Variants in UBXN8 observed in about 807,000 individuals in gnomAD.
UBXN8 encodes UBX domain protein 8.
UBXN8 carries 27 observed loss-of-function variants against 32.1 expected under a neutral mutation model. That is an observed-to-expected ratio of 0.84 (90% CI 0.62 to 1.16). The LOEUF (loss-of-function observed/expected upper bound fraction) is 1.16. Ranked by LOEUF, UBXN8 falls within the 50% of genes most tolerant of loss-of-function variation. The pLI is 0.00. For synonymous variants in UBXN8, 109 were observed against 111.8 expected, an observed-to-expected ratio of 0.98 and a Z score of 0.16; for missense variants, 306 against 311.4, an observed-to-expected ratio of 0.98 and a Z score of 0.13.
At chr8:30,760,794 G>A in intron 5 of UBXN8, 94 bp from the exon 6 acceptor site, 1 of 726,354 alleles carries the variant, frequency 1.4e-6, no homozygotes, top group East Asian at 2.9e-5. Flanking sequence ...AAGCTTAGAT[G>A]TGTGTCTAAA....
At chr8:30,751,894 C>CT (rs1335998614) in intron 2 of UBXN8, among the ~76,000 whole-genome samples, 6,571 of 137,240 alleles carry the variant, frequency 0.048, 234 homozygotes, top group African/African-American at 0.088. Flanking sequence ...TACCATTAAA[C>CT]TTTTTTTTTT....
chr8:30,763,855 G>A (rs1287722161), intron 7 of UBXN8, among the ~76,000 whole-genome samples: 1 of 152,112 alleles, frequency 6.6e-6, no homozygotes, highest in Non-Finnish European at 1.5e-5. Flanking sequence ...GCCGGGCATG[G>A]TGGCGGATGC....
In UBXN8 at chr8:30,756,786, A is replaced by G. The variant is rs1227285611; in HGVS notation, c.427A>G (p.Thr143Ala). Residue 143 changes from threonine to alanine, a missense_variant, in exon 5 of 8, where the codon ACA becomes GCA. Coordinates refer to ENST00000265616, the MANE Select transcript of UBXN8 (RefSeq NM_005671.4). Reference sequence around the variant, plus strand: ...CCAGGGTGATGAAGGTACAAGTCAGACATCTTTTGAAACATCAAACAGAGA... The same window carrying G: ...CCAGGGTGATGAAGGTACAAGTCAGGCATCTTTTGAAACATCAAACAGAGA... ...KLGGDEGTSQ[T>A]SFETSNREAA... 6.2e-7 allele frequency: 1 copy of G among 1,614,064 alleles called. No homozygotes were observed. Among genetic ancestry groups the G allele is most frequent in the Non-Finnish European group, 8.5e-7 (1 of 1,179,908 alleles).
intron 1 of UBXN8, among the ~76,000 whole-genome samples, chr8:30,737,367 G>A (rs1429962897): frequency 1.3e-5 from 2 of 152,078 alleles, no homozygotes; most frequent in Non-Finnish European, 2.9e-5. Flanking sequence ...ACATAATGGA[G>A]GGCAATCTGC....
chr8:30,747,559 CCT>C (rs1280613722), intron 1 of UBXN8, among the ~76,000 whole-genome samples: 1 of 141,186 alleles, frequency 7.1e-6, no homozygotes, highest in East Asian at 2.0e-4. Context: ...GATCCACTCA[CCT>C]CAGCTTCTCA....
upstream of UBXN8, among the ~76,000 whole-genome samples, chr8:30,743,384 G>T (rs1433602844): frequency 6.6e-6 from 1 of 150,902 alleles, no homozygotes; most frequent in Non-Finnish European, 1.5e-5. Context: ...TGGAACTCCT[G>T]ACCTTGTGAT....
At chr8:30,736,858 TCTTAG>T (rs1240638449) in intron 1 of UBXN8, among the ~76,000 whole-genome samples, 2 of 152,174 alleles carry the variant, frequency 1.3e-5, no homozygotes, top group East Asian at 1.9e-4. Context: ...CATCCACACC[TCTTAG>T]CTTAAGAAAT....
chr8:30,734,562 G>C (rs1306963361), intron 1 of UBXN8, among the ~76,000 whole-genome samples: 1 of 151,952 alleles, frequency 6.6e-6, no homozygotes, highest in Non-Finnish European at 1.5e-5. Flanking sequence ...CAAGGTTACA[G>C]TGAGCTATGA....
At position 30,754,843 on chromosome 8, in the gene UBXN8, A is replaced by G. The variant is rs1310598944; in HGVS notation, c.405+56A>G. The G allele has an allele frequency of 9.2e-6, 14 of 1,515,888 alleles. No homozygotes were observed. In the East Asian group the frequency reaches 1.5e-4, roughly 17 times the overall value. The allele number at this position is 1,515,888 out of a possible 1,614,324, so 93.9% of individuals were successfully genotyped here. A position where few individuals can be genotyped will look rare whatever the true frequency, so the allele number is the denominator to read the frequency against. Reference sequence around the variant, plus strand: ...ATCCTCTTACTATGTTTCCTATTACATGATTGATTTTTAATTGAAAATGAT... The same window carrying G: ...ATCCTCTTACTATGTTTCCTATTACGTGATTGATTTTTAATTGAAAATGAT... On this transcript the variant is annotated intron_variant, in intron 4 of 7. Coordinates refer to ENST00000265616, the MANE Select transcript of UBXN8 (RefSeq NM_005671.4).
Position 30,766,313 on chromosome 8 carries a change from G to A in UBXN8, c.732G>A (p.Val244=). The A allele has an allele frequency of 6.2e-7, 1 of 1,613,898 alleles. No homozygotes were observed. Among genetic ancestry groups the A allele is most frequent in the South Asian group, 1.1e-5 (1 of 91,058 alleles). The change falls in exon 8 of 8, where the codon GTG becomes GTA. Residue 244 remains valine, a synonymous_variant. Coordinates refer to ENST00000265616, the MANE Select transcript of UBXN8 (RefSeq NM_005671.4). ...STSFPRRPLA[V]EGGQSLEDIG... ...CCTTTCCCAGACGGCCTCTGGCAGT[G>A]GAGGGAGGCCAGTCGCTGGAGGACA...
upstream of UBXN8, chr8:30,732,379 C>G: frequency 2.5e-6 from 1 of 393,102 alleles, no homozygotes; most frequent in Non-Finnish European, 4.4e-6. Flanking sequence ...AGGTACGTTA[C>G]TTGGGATTTA....
chr8:30,741,111 C>CTAGACTATAGT (rs1266005179), upstream of UBXN8, among the ~76,000 whole-genome samples: 2 of 150,954 alleles, frequency 1.3e-5, no homozygotes, highest in African/African-American at 4.9e-5. Flanking sequence ...ACCACTCTAA[C>CTAGACTATAGT]TAGACTATAG....
chr8:30,730,192 TAA>T (rs1396895741), upstream of UBXN8, among the ~76,000 whole-genome samples: 2 of 152,156 alleles, frequency 1.3e-5, no homozygotes, highest in African/African-American at 4.8e-5. Context: ...GCAGCTCGTT[TAA>T]GACCCAAAAC....
At chr8:30,762,888 T>TAA (rs1805893131) in intron 6 of UBXN8, among the ~76,000 whole-genome samples, 5 of 152,004 alleles carry the variant, frequency 3.3e-5, no homozygotes, top group East Asian at 1.9e-4. Flanking sequence ...TTTTTTTTTT[T>TAA]AAACAGAGTC....
At chr8:30,746,477 C>G (rs1400524017) in intron 1 of UBXN8, among the ~76,000 whole-genome samples, 1 of 149,642 alleles carries the variant, frequency 6.7e-6, no homozygotes, top group Admixed American at 6.7e-5. Context: ...TGTGTAAAAA[C>G]CTTTATTGTC....
chr8:30,764,611 T>C (rs1805947648), intron 7 of UBXN8, among the ~76,000 whole-genome samples: 1 of 152,108 alleles, frequency 6.6e-6, no homozygotes, highest in Non-Finnish European at 1.5e-5. Flanking sequence ...GATAAATATA[T>C]GAAAAAAATG....
chr8:30,744,440 C>G (rs984073584), intron 1 of UBXN8, 163 bp downstream of exon 1: 20 of 679,390 alleles, frequency 2.9e-5, no homozygotes, highest in Non-Finnish European at 1.5e-5. Flanking sequence ...GACTTCACTT[C>G]GAGGAACCTT....
chr8:30,735,606 A>G (rs139950140), intron 1 of UBXN8, among the ~76,000 whole-genome samples: 3,675 of 152,316 alleles, frequency 0.024, 148 homozygotes, highest in African/African-American at 0.084. Context: ...TGGGAGGCCA[A>G]GGTGGTTGGA....
chr8:30,739,492 C>T (rs971004989), upstream of UBXN8, among the ~76,000 whole-genome samples: 2 of 151,772 alleles, frequency 1.3e-5, no homozygotes, highest in Admixed American at 1.3e-4. Flanking sequence ...TGCAGTAAGC[C>T]GAGATTGTGC....
Sources: allele counts gnomAD v4.1 joint callset (sites outside exome capture counted in the v4.1 genomes callset), GRCh38; gene constraint gnomAD v4.1.1; transcripts MANE v1.5; gene names NCBI Gene and HGNC (gene_info 2026-07-23, HGNC 2026-07-21).